The following ASPM variants were observed in gnomAD, a reference collection of about 807,000 sequenced individuals.
The protein encoded by ASPM is abnormal spindle-like microcephaly-associated protein.
In ASPM, 256 loss-of-function variants were observed where a neutral mutation model predicts 366.4. The observed-to-expected ratio is 0.70, with a 90% CI of 0.63 to 0.77. The LOEUF (loss-of-function observed/expected upper bound fraction) is 0.77, where lower values mean the gene tolerates loss of function less well. Ranked by LOEUF, ASPM falls within the 30% of genes least tolerant of loss-of-function variation. The pLI, the probability that ASPM is intolerant of heterozygous loss-of-function variation, is 0.00. For synonymous variants in ASPM, 1,414 were observed against 1,342.9 expected, an observed-to-expected ratio of 1.05 and a Z score of -1.16; for missense variants, 4,146 against 4,090.4, an observed-to-expected ratio of 1.01 and a Z score of -0.37.
chr1:197,139,395 G>T, intron 4 of ASPM: 1 of 566,234 alleles, frequency 1.8e-6, no homozygotes, highest in Non-Finnish European at 3.1e-6. Context: ...GAGATTGCCC[G>T]ACCACCCCGG....
chr1:197,130,058 T>C lies in ASPM; in HGVS notation c.2488-2A>G, dbSNP rs1220198239. 6.2e-7 allele frequency: 1 copy of C among 1,613,456 alleles called. No homozygotes were observed. Among genetic ancestry groups the C allele is most frequent in the Admixed American group, 1.7e-5 (1 of 60,014 alleles). On this transcript the variant is annotated splice_acceptor_variant, in intron 7 of 27. Coordinates refer to ENST00000367409, the MANE Select transcript of ASPM (RefSeq NM_018136.5). LOFTEE classifies it high-confidence loss of function. ...AGATATGAGTTCTCCATAAGTTGTC[T>C]GAAAATAAATTAAAGCCAAAGTCAG...
chr1:197,098,629 A>G lies in ASPM; in HGVS notation c.8820+1802T>C, dbSNP rs1430436549. On this transcript the variant is annotated intron_variant, in intron 18 of 27. Transcript: ENST00000367409. ...CTCTTACCTTTCTTCTTTCCCTCTTAACACCTTGGTTTCTTGATACCATTA... is the reference window on the plus strand; with the variant it reads ...CTCTTACCTTTCTTCTTTCCCTCTTGACACCTTGGTTTCTTGATACCATTA... Among the ~76,000 whole-genome samples the G allele has an allele frequency of 2.0e-5, 3 of 151,542 alleles. 1 individual carries two copies. The highest frequency in any genetic ancestry group is 7.2e-5 in the African/African-American group (3 of 41,422).
chr1:197,107,634 C>T (rs551853376), intron 17 of ASPM, among the ~76,000 whole-genome samples: 8 of 152,074 alleles, frequency 5.3e-5, no homozygotes, highest in East Asian at 1.9e-4. Context: ...TAACTGACAA[C>T]GACTTTAGAG....
rs1404168730 is a variant in ASPM at position 197,133,540 on chromosome 1, A to G, written c.2229T>C (p.Pro743=). The G allele has an allele frequency of 1.9e-6, 3 of 1,613,752 alleles. No homozygotes were observed. Among genetic ancestry groups the G allele is most frequent in the Admixed American group, 3.3e-5 (2 of 60,010 alleles). ...GIENQHKISV[P]RAPTKEEMSL... is the part of the protein sequence containing the mutation. ...ACATTTCCTCTTTTGTAGGTGCTCT[A>G]GGAACACTTATTTTATGTTGATTCT... Residue 743 remains proline (P), a synonymous_variant, in exon 6 of 28, where the codon CCT becomes CCC. Transcript: ENST00000367409.
At chr1:197,113,505 TA>T (rs1211930371) in intron 17 of ASPM, among the ~76,000 whole-genome samples, 3 of 152,166 alleles carry the variant, frequency 2.0e-5, no homozygotes, top group African/African-American at 7.2e-5. Context: ...ACAAATCATC[TA>T]AAAATTAGTT....
At chr1:197,118,081 A>T in intron 16 of ASPM, 98 bp from the exon 17 acceptor site, 1 of 1,159,862 alleles carries the variant, frequency 8.6e-7, no homozygotes, top group Non-Finnish European at 1.3e-6. Flanking sequence ...AATCAAATTG[A>T]TACTGGAAAT....
chr1:197,113,631 C>A (rs1657654752), intron 17 of ASPM, among the ~76,000 whole-genome samples: 1 of 151,908 alleles, frequency 6.6e-6, no homozygotes, highest in South Asian at 2.1e-4. Context: ...TTATATAATA[C>A]ACAAAAAATA....
rs1284048360 is a variant in ASPM at position 197,143,765 on chromosome 1, T to A, written c.487A>T (p.Thr163Ser). The stretch of plus-strand genomic sequence containing the variant: ...TTTGAAACCCTTCTGTTGTGACTTG[T>A]AGAGGCTGAAATTTTCTTCTTTTTA... The part of the protein sequence containing the change: ...TIKKKKISAS[T>S]SHNRRVSNIQ... Residue 163 changes from threonine (T) to serine (S), a missense_variant, in exon 3 of 28, where the codon ACA becomes TCA. Around this residue, in one of 3 missense-constraint regions of ASPM, gnomAD observed 512 missense variants for 471.7 expected, o/e 1.09. Coordinates refer to ENST00000367409, the MANE Select transcript of ASPM (RefSeq NM_018136.5). The A allele has an allele frequency of 6.2e-7, 1 of 1,612,404 alleles. No individual in the cohort carries two copies. Among genetic ancestry groups the A allele is most frequent in the Non-Finnish European group, 8.5e-7 (1 of 1,179,548 alleles).
rs1363442974 is a variant in ASPM, at chr1:197,103,016, C to T, written c.6235G>A (p.Gly2079Ser). ...TGCTGATGGTTTGTAATTTTAATAC[C>T]TCGATACCATCTCTGAATTATAATA... Reference protein sequence around the residue: ...SAIIIQRWYRGIKITNHQHKE... With the variant: ...SAIIIQRWYRSIKITNHQHKE... The change falls in exon 18 of 28, where the codon GGT (glycine) becomes AGT (serine). Residue 2079 changes from glycine (G) to serine (S), a missense_variant. By Grantham distance (56) the Gly-to-Ser change is moderately conservative. Transcript: ENST00000367409. 15 of 1,612,006 alleles carry T rather than the reference C, an allele frequency of 9.3e-6. No individual in the cohort carries two copies. The highest frequency in any genetic ancestry group is 4.5e-5 in the East Asian group (2 of 44,816).
At chr1:197,122,363 G>A in intron 14 of ASPM, 25 bp downstream of exon 14, 1 of 1,613,336 alleles carries the variant, frequency 6.2e-7, no homozygotes, top group African/African-American at 1.3e-5. Flanking sequence ...GCAAAAAATT[G>A]GAAAAGTAAC....
rs762238870 is a variant in ASPM, at chr1:197,146,474, G to A, written c.-37C>T. The A allele has an allele frequency of 6.3e-7, 1 of 1,597,150 alleles. No homozygotes were observed. Among genetic ancestry groups the A allele is most frequent in the Non-Finnish European group, 8.5e-7 (1 of 1,177,490 alleles). ...GACCCCTCCTGGATCTCCTTGCCCC[G>A]CTCCCACGAGGCGGCTCCGGAGCGG... is the stretch of plus-strand genomic sequence containing the variant. On this transcript the variant is annotated 5_prime_UTR_variant, in exon 1 of 28. Coordinates refer to ENST00000367409, the MANE Select transcript of ASPM (RefSeq NM_018136.5).
rs150438932 is a variant in ASPM, at chr1:197,090,348, C to A, written c.9677G>T (p.Cys3226Phe). 1.9e-6 allele frequency: 3 copies of A among 1,611,988 alleles called. No individual in the cohort carries two copies. The highest frequency in any genetic ancestry group is 2.2e-5 in the South Asian group (2 of 90,986). ...TAGTCGTATAGCTTTAATTTTTGTA[C>A]AATCATTTTTCTTCCTCCAAGAATA... ...RGYSWRKKNDCTKIKAIRLSL... is the reference protein window; with the variant it reads ...RGYSWRKKNDFTKIKAIRLSL... Residue 3226 changes from cysteine to phenylalanine, a missense_variant, in exon 24 of 28, where the codon TGT (cysteine) becomes TTT (phenylalanine). By Grantham distance (205) the Cys-to-Phe change is radical. This residue lies in a region of ASPM where 3,624 missense variants were observed against 3,591.7 expected (regional missense o/e 1.01). Transcript: ENST00000367409.
At chr1:197,123,928 A>G (rs1447829446) in intron 13 of ASPM, among the ~76,000 whole-genome samples, 182 bp downstream of exon 13, 1 of 152,132 alleles carries the variant, frequency 6.6e-6, no homozygotes, top group African/African-American at 2.4e-5. Context: ...CATGTATCAC[A>G]CAATTGGTGA....
In ASPM at chr1:197,102,109, T is replaced by A; in HGVS notation, c.7142A>T (p.Tyr2381Phe). Residue 2381 changes from tyrosine (Y) to phenylalanine (F), a missense_variant, in exon 18 of 28, where the codon TAT becomes TTT. Physicochemically the swap from Tyr to Phe is conservative, Grantham distance 22. Coordinates refer to ENST00000367409, the MANE Select transcript of ASPM (RefSeq NM_018136.5). The part of the protein sequence containing the change: ...NRAAKLQRQH[Y>F]LRQRHSAVIL... ...CACAGCAGAGTGTCTTTGTCTGAGA[T>A]AATGCTGCCTCTGCAGTTTTGCAGC... The A allele has an allele frequency of 6.2e-7, 1 of 1,613,024 alleles. No individual in the cohort carries two copies. The highest frequency in any genetic ancestry group is 8.5e-7 in the Non-Finnish European group (1 of 1,179,318).
chr1:197,092,257 C>T (rs78137687), intron 21 of ASPM, among the ~76,000 whole-genome samples: 107 of 151,790 alleles, frequency 7.0e-4, no homozygotes, highest in Middle Eastern at 6.9e-3. Flanking sequence ...TAACTCATAA[C>T]TCAGAGTGTA....
intron 6 of ASPM, among the ~76,000 whole-genome samples, chr1:197,132,650 C>G (rs1658297730): frequency 6.6e-6 from 1 of 151,520 alleles, no homozygotes; most frequent in Non-Finnish European, 1.5e-5. Flanking sequence ...TCCACAATAT[C>G]CAAGATATGG....
At chr1:197,086,999 A>C in intron 26 of ASPM, 27 bp from the exon 27 acceptor site, 1 of 1,581,028 alleles carries the variant, frequency 6.3e-7, no homozygotes, top group Non-Finnish European at 8.6e-7. Context: ...ACAGTTACTA[A>C]AAAGTAATAA....
In ASPM at chr1:197,118,037, T is replaced by C. The variant is rs554477755; in HGVS notation, c.3871-54A>G. 2.9e-4 allele frequency: 427 copies of C among 1,496,712 alleles called. 3 individuals are homozygous for C. In the South Asian group the frequency reaches 4.5e-3, roughly 16 times the overall value. 92.7% of individuals were successfully genotyped at this position (1,496,712 alleles called of 1,614,324 possible). ...TTAAACACTCACTTAAGACCTTAAA[T>C]TATTCTTTGTAAGATAACCATATGT... On this transcript the variant is annotated intron_variant, in intron 16 of 27. Coordinates refer to ENST00000367409, the MANE Select transcript of ASPM (RefSeq NM_018136.5).
rs896862764 is a variant in ASPM at position 197,084,503 on chromosome 1, C to A, written c.10332-77G>T. 3.1e-4 allele frequency: 308 copies of A among 981,382 alleles called. 2 individuals are homozygous for A. Among genetic ancestry groups the A allele is most frequent in the Non-Finnish European group, 4.7e-4 (298 of 632,564 alleles). 60.8% of individuals were successfully genotyped at this position (981,382 alleles called of 1,614,324 possible). On this transcript the variant is annotated intron_variant, in intron 27 of 27. Transcript: ENST00000367409. The stretch of plus-strand genomic sequence containing the variant: ...GTTACCTTCACCTTTTTTCTCTTAA[C>A]TAAATTGTAGCTACTCCTGAACACA...
Sources: allele counts gnomAD v4.1 joint callset (sites outside exome capture counted in the v4.1 genomes callset), GRCh38; gene constraint gnomAD v4.1.1; regional missense constraint gnomAD v4.1.1; transcripts MANE v1.5; gene names NCBI Gene and HGNC (gene_info 2026-07-23, HGNC 2026-07-21).